Variants in NTRK3 observed in about 807,000 individuals in gnomAD.
NTRK3 encodes neurotrophic receptor tyrosine kinase 3, also known as NT-3 growth factor receptor.
NTRK3 carries 24 observed loss-of-function variants against 91.7 expected under a neutral mutation model. The ratio of observed to expected loss-of-function variants is 0.26; its 90% CI spans 0.19 to 0.37. The LOEUF (loss-of-function observed/expected upper bound fraction) is 0.37. Among genes scored for constraint, NTRK3 ranks in the 10% least tolerant of loss-of-function variants. The pLI is 1.00. For synonymous variants in NTRK3, 483 were observed against 404.0 expected, an observed-to-expected ratio of 1.20 and a Z score of -2.34; for missense variants, 880 against 1,068.9, an observed-to-expected ratio of 0.82 and a Z score of 2.46.
chr15:88,135,073 A>G (rs766637580), intron 10 of NTRK3, 28 bp downstream of exon 10: 9 of 1,613,448 alleles, frequency 5.6e-6, no homozygotes, highest in South Asian at 2.2e-5. Flanking sequence ...GAATCCATAC[A>G]CCTCCGATCC....
At chr15:88,177,517 G>C (rs2046108078) in intron 5 of NTRK3, among the ~76,000 whole-genome samples, 1 of 152,228 alleles carries the variant, frequency 6.6e-6, no homozygotes, top group African/African-American at 2.4e-5. Context: ...AAAGGAAAGA[G>C]AGGCATCAAG....
rs193276481 is a variant in NTRK3 at position 88,241,400 on chromosome 15, C to T, written c.248+14506G>A. Among the ~76,000 whole-genome samples the T allele has an allele frequency of 2.6e-5, 4 of 152,198 alleles. No individual in the cohort carries two copies. Among genetic ancestry groups the T allele is most frequent in the East Asian group, 3.9e-4 (2 of 5,164 alleles). On this transcript the variant is annotated intron_variant, in intron 3 of 18. Coordinates refer to ENST00000394480, the Ensembl canonical transcript of NTRK3. The surrounding 1 kb of genome is among the most constrained non-coding windows in gnomAD (Gnocchi z 4.3). ...GCAGCTCAGGGATGGGGGTGATGGG[C>T]GCAGGGAAGAGCAACCAATCATTTC...
chr15:88,034,727 G>A (rs553835686), intron 13 of NTRK3, among the ~76,000 whole-genome samples: 22 of 152,312 alleles, frequency 1.4e-4, no homozygotes, highest in African/African-American at 5.3e-4. Flanking sequence ...TGCAAATGGA[G>A]GACCCTGAAT....
intron 17 of NTRK3, among the ~76,000 whole-genome samples, chr15:87,915,428 T>A (rs2067378900): frequency 6.6e-6 from 1 of 152,220 alleles, no homozygotes; most frequent in African/African-American, 2.4e-5. Context: ...GAATTCATGG[T>A]CCACAGTTAC....
At chr15:87,929,265 C>T (rs2141911146) in exon 17 of NTRK3, 1 of 1,614,136 alleles carries the variant, frequency 6.2e-7, no homozygotes, top group Non-Finnish European at 8.5e-7. Flanking sequence ...TTCGCTCCAA[C>T]CAGGCAGTTC....
chr15:88,134,979 T>C (rs2041734738), intron 10 of NTRK3, 122 bp downstream of exon 10: 2 of 1,193,058 alleles, frequency 1.7e-6, no homozygotes, highest in East Asian at 4.8e-5. Flanking sequence ...CCAGTGTGTG[T>C]TTTGTTGCCC....
chr15:88,076,259 G>A (rs189965999), intron 13 of NTRK3, among the ~76,000 whole-genome samples: 1 of 152,280 alleles, frequency 6.6e-6, no homozygotes, highest in Admixed American at 6.5e-5. Flanking sequence ...CAGATCTCAT[G>A]AGACTTATTC....
intron 3 of NTRK3, among the ~76,000 whole-genome samples, chr15:88,249,810 T>G (rs577035254): frequency 6.6e-6 from 1 of 152,262 alleles, no homozygotes; most frequent in South Asian, 2.1e-4. Context: ...ACGAGGTTCA[T>G]AGAATGACAA....
At chr15:88,178,903 T>C (rs2046230108) in intron 5 of NTRK3, among the ~76,000 whole-genome samples, 1 of 152,126 alleles carries the variant, frequency 6.6e-6, no homozygotes, top group Non-Finnish European at 1.5e-5. Context: ...ACCTCTCCTA[T>C]AAGAAGTTCT....
At chr15:88,087,715 A>C (rs1029429163) in intron 13 of NTRK3, among the ~76,000 whole-genome samples, 3 of 152,204 alleles carry the variant, frequency 2.0e-5, no homozygotes, top group Non-Finnish European at 4.4e-5. Context: ...TGGCGATTTC[A>C]CTGGCATATG....
chr15:87,952,837 C>T (rs1454904219), intron 14 of NTRK3, among the ~76,000 whole-genome samples: 1 of 152,114 alleles, frequency 6.6e-6, no homozygotes, highest in Admixed American at 6.5e-5. Context: ...CAGGCACCCC[C>T]GCCTTTCCTG....
At chr15:88,049,140 G>A (rs2080550501) in intron 13 of NTRK3, among the ~76,000 whole-genome samples, 3 of 152,326 alleles carry the variant, frequency 2.0e-5, no homozygotes, top group Middle Eastern at 6.8e-3. Flanking sequence ...AGTGCAAGGT[G>A]GTGCTGAAGA....
chr15:88,125,790 G>A (rs979788658), intron 13 of NTRK3, among the ~76,000 whole-genome samples: 1 of 152,190 alleles, frequency 6.6e-6, no homozygotes, highest in East Asian at 1.9e-4. Flanking sequence ...GGGACTCTGT[G>A]TAGAGCTACG....
intron 13 of NTRK3, among the ~76,000 whole-genome samples, chr15:88,123,545 T>C (rs540850745): frequency 6.6e-6 from 1 of 152,316 alleles, no homozygotes; most frequent in African/African-American, 2.4e-5. Context: ...AGAGATTTAT[T>C]CCGAGCCAAA....
chr15:88,187,557 GGTGA>G (rs1223293538), intron 3 of NTRK3, among the ~76,000 whole-genome samples: 3 of 152,138 alleles, frequency 2.0e-5, no homozygotes, highest in Non-Finnish European at 1.5e-5. Flanking sequence ...CTTTGTCAAT[GGTGA>G]GTATCTCAAC....
intron 8 of NTRK3, 115 bp downstream of exon 8, chr15:88,136,352 C>G (rs1253329639): frequency 2.2e-6 from 3 of 1,340,000 alleles, no homozygotes; most frequent in African/African-American, 1.4e-5. Flanking sequence ...TGCATGTAAC[C>G]CAAGTCTATG....
intron 14 of NTRK3, among the ~76,000 whole-genome samples, chr15:88,017,843 C>T (rs2077345739): frequency 1.3e-5 from 2 of 152,228 alleles, no homozygotes; most frequent in South Asian, 2.1e-4. Context: ...CAGAATTACA[C>T]TGAGCATAAT....
rs910481435 is a variant in NTRK3 at position 88,235,945 on chromosome 15, T to C, written c.248+19961A>G. Reference sequence around the variant, plus strand: ...GCAAAGATACAAGGTCCTGTTTCGATGAGTCACATAAATGTGTCTCTCCTA... The same window carrying C: ...GCAAAGATACAAGGTCCTGTTTCGACGAGTCACATAAATGTGTCTCTCCTA... On this transcript the variant is annotated intron_variant, in intron 3 of 18. Transcript: ENST00000394480. The surrounding 1 kb of genome is among the most constrained non-coding windows in gnomAD (Gnocchi z 5.2). Among the ~76,000 whole-genome samples the C allele has an allele frequency of 3.9e-5, 6 of 152,230 alleles. No individual in the cohort carries two copies. Among genetic ancestry groups the C allele is most frequent in the African/African-American group, 9.6e-5 (4 of 41,456 alleles).
intron 13 of NTRK3, chr15:88,072,565 A>G (rs1386525780): frequency 2.6e-5 from 6 of 232,600 alleles, no homozygotes; most frequent in Non-Finnish European, 5.1e-5. Flanking sequence ...GCTTTGAGTC[A>G]CATTTAAGCA....
Sources: allele counts gnomAD v4.1 joint callset (sites outside exome capture counted in the v4.1 genomes callset), GRCh38; gene constraint gnomAD v4.1.1; non-coding constraint Gnocchi (gnomAD v3.1); transcripts MANE v1.5; gene names NCBI Gene and HGNC (gene_info 2026-07-23, HGNC 2026-07-21).